Variants in CAMK2D observed in about 807,000 individuals in gnomAD.
CAMK2D encodes calcium/calmodulin dependent protein kinase II delta, also known as calcium/calmodulin-dependent protein kinase type II subunit delta.
A neutral mutation model predicts 84.0 loss-of-function variants in CAMK2D; 37 were observed. The ratio of observed to expected loss-of-function variants is 0.44; its 90% confidence interval spans 0.34 to 0.58. The LOEUF (loss-of-function observed/expected upper bound fraction) is 0.58, where lower values mean the gene tolerates loss of function less well. Among genes scored for constraint, CAMK2D ranks in the 20% least tolerant of loss-of-function variants. The pLI is 0.02. For missense variants in CAMK2D, 448 were observed against 652.5 expected (o/e 0.69, Z 3.41); for synonymous variants, 202 against 212.5 (o/e 0.95, Z 0.43).
intron 2 of CAMK2D, among the ~76,000 whole-genome samples, chr4:113,683,910 T>C (rs2099352523): frequency 6.6e-6 from 1 of 152,244 alleles, no homozygotes; most frequent in African/African-American, 2.4e-5. Flanking sequence ...AGAGTTAGAC[T>C]GCCTGGGTTC....
chr4:113,563,978 A>G (rs1411591222), intron 4 of CAMK2D, among the ~76,000 whole-genome samples: 2 of 152,172 alleles, frequency 1.3e-5, no homozygotes, highest in African/African-American at 2.4e-5. Flanking sequence ...CTAGAATTTA[A>G]AAAATCCTTA....
chr4:113,541,483 A>G (rs1460818497), intron 6 of CAMK2D, among the ~76,000 whole-genome samples: 1 of 152,214 alleles, frequency 6.6e-6, no homozygotes, highest in East Asian at 1.9e-4. Flanking sequence ...TGGCAAAGGC[A>G]ATAGCCTTTA....
chr4:113,591,224 C>T (rs2098878397), intron 4 of CAMK2D, among the ~76,000 whole-genome samples: 1 of 151,726 alleles, frequency 6.6e-6, no homozygotes, highest in African/African-American at 2.4e-5. Flanking sequence ...TCTGAGTCTG[C>T]TAAATGTCTA....
At chr4:113,690,719 A>T (rs6817557) in intron 2 of CAMK2D, among the ~76,000 whole-genome samples, 1 of 151,978 alleles carries the variant, frequency 6.6e-6, no homozygotes, top group Non-Finnish European at 1.5e-5. Context: ...TTTCCAGATC[A>T]GTCCTGGGCA....
intron 3 of CAMK2D, among the ~76,000 whole-genome samples, chr4:113,643,283 A>G (rs555402084): frequency 6.6e-6 from 1 of 152,206 alleles, no homozygotes; most frequent in Non-Finnish European, 1.5e-5. Flanking sequence ...AAAAGTTTTT[A>G]AAAAAAGTCC....
At chr4:113,597,006 G>A (rs1166830019) in intron 4 of CAMK2D, among the ~76,000 whole-genome samples, 3 of 152,026 alleles carry the variant, frequency 2.0e-5, no homozygotes, top group Non-Finnish European at 4.4e-5. Context: ...TTTTAGTAGA[G>A]ACGGGGTTTC....
At chr4:113,729,420 T>C (rs72617774) in intron 2 of CAMK2D, among the ~76,000 whole-genome samples, 20,026 of 152,236 alleles carry the variant, frequency 0.13, 1,419 homozygotes, top group East Asian at 0.21. Context: ...GAACATGAAC[T>C]ACACTGGGCC....
At chr4:113,477,254 T>C (rs887498528) in intron 16 of CAMK2D, among the ~76,000 whole-genome samples, 1 of 152,184 alleles carries the variant, frequency 6.6e-6, no homozygotes, top group Non-Finnish European at 1.5e-5. Context: ...TTTCCGTGCT[T>C]AGTTACTACA....
At chr4:113,603,804 T>TC (rs2098965874) in intron 4 of CAMK2D, among the ~76,000 whole-genome samples, 1 of 143,872 alleles carries the variant, frequency 7.0e-6, no homozygotes, top group African/African-American at 2.5e-5. Flanking sequence ...TATATATATT[T>TC]AAAACAGTAA....
In CAMK2D at chr4:113,547,621, T is replaced by C. The variant is rs760736479; in HGVS notation, c.414+23A>G. ...TCATTAGGAACTGTGTGGTGGTTTA[T>C]CTTCTTCAACCGCATTACTCACCTT... On this transcript the variant is annotated intron_variant, in intron 6 of 20. Transcript: ENST00000511664. 6 of 1,483,076 alleles carry C rather than the reference T, an allele frequency of 4.0e-6. No homozygotes were observed. The South Asian group carries it at 7.3e-5, about 18-fold the overall frequency. The allele number at this position is 1,483,076 out of a possible 1,614,324, so 91.9% of individuals were successfully genotyped here.
chr4:113,719,124 CT>C (rs2099522544), intron 2 of CAMK2D, among the ~76,000 whole-genome samples: 1 of 152,152 alleles, frequency 6.6e-6, no homozygotes, highest in Non-Finnish European at 1.5e-5. Flanking sequence ...CGTTTGTCAT[CT>C]TGAAATTTCC....
At chr4:113,657,042 C>T (rs2099204256) in intron 3 of CAMK2D, among the ~76,000 whole-genome samples, 1 of 152,144 alleles carries the variant, frequency 6.6e-6, no homozygotes, top group African/African-American at 2.4e-5. Context: ...TCCAGTTCAG[C>T]AACTCCCTAT....
intron 4 of CAMK2D, among the ~76,000 whole-genome samples, chr4:113,595,301 C>T (rs1407062147): frequency 6.6e-6 from 1 of 152,076 alleles, no homozygotes; most frequent in Non-Finnish European, 1.5e-5. Flanking sequence ...AGATTGGAAA[C>T]TCAGATCTAC....
chr4:113,760,437 T>C (rs1464404030), intron 1 of CAMK2D, among the ~76,000 whole-genome samples: 1 of 151,906 alleles, frequency 6.6e-6, no homozygotes, highest in Admixed American at 6.6e-5. Flanking sequence ...AGGGGTTGGG[T>C]TCTGTTGGGT....
intron 2 of CAMK2D, among the ~76,000 whole-genome samples, chr4:113,693,757 C>CA: frequency 6.6e-6 from 1 of 152,164 alleles, no homozygotes; most frequent in South Asian, 2.1e-4. Context: ...ATTTTACTAT[C>CA]AATAAAAATG....
In CAMK2D at chr4:113,506,886, CAT is replaced by C. The variant is rs201536568; in HGVS notation, c.985-1853_985-1852del. 2.8e-3 allele frequency among the ~76,000 whole-genome samples: 420 copies of C among 150,026 alleles called. 8 individuals are homozygous for C. The highest frequency in any genetic ancestry group is 0.019 in the Admixed American group (285 of 15,218). ...ACACAAACTTATCTGTACAAGTGCA[CAT>C]GTTCCCCCCCCCACACACACACACC... On this transcript the variant is annotated intron_variant, in intron 13 of 20. Coordinates refer to ENST00000511664, the MANE Select transcript of CAMK2D (RefSeq NM_001321571.2).
intron 2 of CAMK2D, among the ~76,000 whole-genome samples, chr4:113,757,289 T>C (rs536410376): frequency 6.6e-6 from 1 of 152,252 alleles, no homozygotes; most frequent in Admixed American, 6.5e-5. Context: ...ATTGACTGCA[T>C]ATAGTGGGGC....
At chr4:113,472,113 T>C (rs565967470) in intron 16 of CAMK2D, among the ~76,000 whole-genome samples, 2 of 152,332 alleles carry the variant, frequency 1.3e-5, no homozygotes, top group East Asian at 3.9e-4. Context: ...ACCCAGCTAC[T>C]TTACGTTACT....
At chr4:113,697,714 C>A (rs115573783) in intron 2 of CAMK2D, among the ~76,000 whole-genome samples, 1 of 151,848 alleles carries the variant, frequency 6.6e-6, no homozygotes, top group Non-Finnish European at 1.5e-5. Flanking sequence ...TTTTAAGATA[C>A]CTAAAAAAAA....
Sources: gnomAD v4.1 joint callset for allele counts (sites outside exome capture counted in the v4.1 genomes callset) on GRCh38, gnomAD v4.1.1 for gene constraint, MANE v1.5 for transcripts, NCBI Gene and HGNC (gene_info 2026-07-23, HGNC 2026-07-21) for gene names.